Variants in FGF14 observed in about 807,000 individuals in gnomAD.
FGF14 encodes the protein fibroblast growth factor 14.
In FGF14, 5 loss-of-function variants were observed where a neutral mutation model predicts 25.5. The observed-to-expected ratio is 0.20, with a 90% CI of 0.10 to 0.41. The LOEUF (loss-of-function observed/expected upper bound fraction) is 0.41, where lower values mean the gene tolerates loss of function less well. FGF14 is among the 10% of genes least tolerant of loss of function. The probability of loss-of-function intolerance (pLI) is 1.00; values close to 1 mark genes in which losing one functional copy is unlikely to be tolerated. For missense variants in FGF14, 222 were observed against 320.1 expected, an observed-to-expected ratio of 0.69 and a Z score of 2.34; for synonymous variants, 138 against 118.3, an observed-to-expected ratio of 1.17 and a Z score of -1.08.
At chr13:101,744,066 G>T (rs2036726202) in intron 3 of FGF14, among the ~76,000 whole-genome samples, 1 of 152,140 alleles carries the variant, frequency 6.6e-6, no homozygotes, top group Admixed American at 6.6e-5. Flanking sequence ...ATGTTCCCAT[G>T]ACCACTAAAA....
chr13:101,804,530 A>G (rs2041089863), intron 3 of FGF14, among the ~76,000 whole-genome samples: 3 of 152,180 alleles, frequency 2.0e-5, no homozygotes, highest in South Asian at 4.1e-4. Flanking sequence ...CAGGTAGATG[A>G]AAAACCTACT....
chr13:102,369,901 G>A (rs766057692), intron 1 of FGF14, among the ~76,000 whole-genome samples: 2 of 152,130 alleles, frequency 1.3e-5, no homozygotes, highest in Non-Finnish European at 2.9e-5. Context: ...TTTTAATGCT[G>A]AGCGACAAAG....
At chr13:102,128,146 G>A (rs773431263) in intron 1 of FGF14, among the ~76,000 whole-genome samples, 14 of 132,342 alleles carry the variant, frequency 1.1e-4, no homozygotes, top group Non-Finnish European at 2.3e-4. Context: ...CCTTGGACAC[G>A]TTGCTTAACT....
intron 1 of FGF14, among the ~76,000 whole-genome samples, chr13:102,077,936 A>G (rs1225653583): frequency 6.6e-6 from 1 of 152,212 alleles, no homozygotes; most frequent in Non-Finnish European, 1.5e-5. Flanking sequence ...ATATATATAC[A>G]ATGGAGTATT....
Position 102,400,982 on chromosome 13 carries a change from G to A in FGF14, c.208+489C>T, listed in dbSNP as rs1343476023. Among the ~76,000 whole-genome samples, 2 of 152,092 alleles carry A rather than the reference G, an allele frequency of 1.3e-5. No homozygotes were observed. Among genetic ancestry groups the A allele is most frequent in the Non-Finnish European group, 2.9e-5 (2 of 68,026 alleles). On this transcript the variant is annotated intron_variant, in intron 1 of 4. Coordinates refer to the FGF14 transcript ENST00000376131. This position sits in a 1 kb window ranked among gnomAD's most constrained non-coding sequence, Gnocchi z 4.3. ...GGAGGAGCGGGGCCGCGAGGGAGGG[G>A]GCCTCTTTTACTTTGGTAAAGGTGA...
At chr13:102,199,637 A>G (rs2049522178) in intron 1 of FGF14, among the ~76,000 whole-genome samples, 1 of 152,076 alleles carries the variant, frequency 6.6e-6, no homozygotes, top group Non-Finnish European at 1.5e-5. Context: ...CTGTTTGGAG[A>G]GTACAAAAGA....
intron 1 of FGF14, among the ~76,000 whole-genome samples, chr13:102,112,081 A>G (rs1009081252): frequency 2.0e-5 from 3 of 151,170 alleles, no homozygotes; most frequent in Admixed American, 1.3e-4. Flanking sequence ...GCATTTATTA[A>G]GCATTTGTTT....
At chr13:102,387,913 A>G (rs1248141742) in intron 1 of FGF14, among the ~76,000 whole-genome samples, 1 of 152,090 alleles carries the variant, frequency 6.6e-6, no homozygotes, top group Admixed American at 6.5e-5. Flanking sequence ...TATTTTTAGT[A>G]AAGACGGGGT....
At chr13:101,967,340 C>T (rs2037276503) in intron 1 of FGF14, among the ~76,000 whole-genome samples, 1 of 152,142 alleles carries the variant, frequency 6.6e-6, no homozygotes, top group African/African-American at 2.4e-5. Flanking sequence ...AACCACTGTC[C>T]TATGTTTACT....
intron 1 of FGF14, among the ~76,000 whole-genome samples, chr13:101,881,743 A>C (rs1480639680): frequency 6.6e-6 from 1 of 152,196 alleles, no homozygotes; most frequent in African/African-American, 2.4e-5. Flanking sequence ...CGCACCAGCA[A>C]AGAAGCTGTA....
At chr13:101,787,979 C>T (rs2039949813) in intron 3 of FGF14, among the ~76,000 whole-genome samples, 1 of 152,222 alleles carries the variant, frequency 6.6e-6, no homozygotes, top group Non-Finnish European at 1.5e-5. Flanking sequence ...TCAAGTGATT[C>T]TCCGGCCTCA....
At chr13:101,888,523 A>C (rs1428509020) in intron 1 of FGF14, among the ~76,000 whole-genome samples, 1 of 152,172 alleles carries the variant, frequency 6.6e-6, no homozygotes, top group Admixed American at 6.6e-5. Context: ...GACTTTAGGT[A>C]ATTCAATATG....
At chr13:102,060,975 G>A (rs987254885) in intron 1 of FGF14, among the ~76,000 whole-genome samples, 1 of 152,290 alleles carries the variant, frequency 6.6e-6, no homozygotes, top group Non-Finnish European at 1.5e-5. Context: ...CATTGATGGC[G>A]GAACAATGCG....
chr13:101,973,119 C>CTTTTTTTTTT (rs35290815), intron 1 of FGF14, among the ~76,000 whole-genome samples: 1 of 127,542 alleles, frequency 7.8e-6, no homozygotes. Flanking sequence ...AAGTGTGCTT[C>CTTTTTTTTTT]TTTTTTTTTT....
At chr13:101,977,591 T>G (rs1177256849) in intron 1 of FGF14, among the ~76,000 whole-genome samples, 1 of 152,168 alleles carries the variant, frequency 6.6e-6, no homozygotes, top group African/African-American at 2.4e-5. Flanking sequence ...TTTTTATGTT[T>G]TTAATAGGAT....
At chr13:102,023,060 A>G (rs1428605112) in intron 1 of FGF14, among the ~76,000 whole-genome samples, 2 of 144,876 alleles carry the variant, frequency 1.4e-5, no homozygotes, top group South Asian at 2.1e-4. Flanking sequence ...ACACACACAC[A>G]CACACACACA....
chr13:101,989,862 A>G (rs1487840409), intron 1 of FGF14, among the ~76,000 whole-genome samples: 1 of 152,098 alleles, frequency 6.6e-6, no homozygotes, highest in Non-Finnish European at 1.5e-5. Flanking sequence ...ATCCTTTCGA[A>G]TGTCATCCTG....
intron 1 of FGF14, among the ~76,000 whole-genome samples, chr13:101,998,744 T>A (rs2039322153): frequency 6.6e-6 from 1 of 152,198 alleles, no homozygotes; most frequent in South Asian, 2.1e-4. Flanking sequence ...TGGGAGGAAC[T>A]TTGTAAGTGG....
In FGF14 at chr13:101,882,480, T is replaced by A. The variant is rs538297558; in HGVS notation, c.194-7184A>T. Among the ~76,000 whole-genome samples the A allele has an allele frequency of 2.0e-5, 3 of 152,174 alleles. No homozygotes were observed. In the East Asian group the frequency reaches 5.8e-4, roughly 29 times the overall value. The stretch of plus-strand genomic sequence containing the variant: ...ACAAGAATTACACCAGATGTGCAGT[T>A]TTATCTATTTCTTCAGATAAATAGT... On this transcript the variant is annotated intron_variant, in intron 1 of 4. Transcript: ENST00000376143.
Sources: allele counts gnomAD v4.1 joint callset (sites outside exome capture counted in the v4.1 genomes callset), GRCh38; gene constraint gnomAD v4.1.1; non-coding constraint Gnocchi (gnomAD v3.1); transcripts MANE v1.5; gene names NCBI Gene and HGNC (gene_info 2026-07-23, HGNC 2026-07-21).